Variants in FRAS1 observed in about 807,000 individuals in gnomAD.
The protein encoded by FRAS1 is extracellular matrix organizing protein FRAS1.
A neutral mutation model predicts 435.2 loss-of-function variants in FRAS1; 290 were observed. The observed-to-expected ratio is 0.67, with a 90% CI of 0.61 to 0.73. The LOEUF is 0.73. Ranked by LOEUF, FRAS1 falls within the 30% of genes least tolerant of loss-of-function variation. The pLI is 0.00. For missense variants in FRAS1, 4,860 were observed against 5,001.5 expected, an observed-to-expected ratio of 0.97 and a Z score of 0.85; for synonymous variants, 1,800 against 1,851.0, an observed-to-expected ratio of 0.97 and a Z score of 0.71.
chr4:78,171,746 G>A (rs7683292), intron 2 of FRAS1, among the ~76,000 whole-genome samples: 1 of 152,092 alleles, frequency 6.6e-6, no homozygotes, highest in East Asian at 1.9e-4. Flanking sequence ...TGCTGGCTGT[G>A]CTCTCCAGCA....
At chr4:78,488,152 C>T (rs1273415276) in intron 58 of FRAS1, among the ~76,000 whole-genome samples, 2 of 152,200 alleles carry the variant, frequency 1.3e-5, no homozygotes, top group Admixed American at 1.3e-4. Flanking sequence ...GAAGAGTCAT[C>T]TATAGCAGTG....
chr4:78,504,459 T>C (rs1180745163), intron 61 of FRAS1, among the ~76,000 whole-genome samples: 1 of 152,248 alleles, frequency 6.6e-6, no homozygotes, highest in Non-Finnish European at 1.5e-5. Context: ...AATTGATCCC[T>C]TTACCATTAT....
chr4:78,529,803 G>T (rs924560306), intron 70 of FRAS1, among the ~76,000 whole-genome samples: 3 of 152,146 alleles, frequency 2.0e-5, no homozygotes, highest in Non-Finnish European at 2.9e-5. Flanking sequence ...GAGCAGAAAG[G>T]CACAAGATTT....
chr4:78,526,554 G>A lies in FRAS1; in HGVS notation c.10822G>A (p.Gly3608Arg). The change falls in exon 70 of 74, where the codon GGA (glycine) becomes AGA (arginine). Residue 3608 changes from glycine to arginine, a missense_variant. By Grantham distance (125) the Gly-to-Arg change is moderately radical. Coordinates refer to ENST00000512123, the MANE Select transcript of FRAS1 (RefSeq NM_025074.7). ...TSSYNRKDYS[G>R]EYTIYLIPCT... ...GCATGTTTCCAGGAAGGACTACTCA[G>A]GAGAGTACACCATCTACCTGATCCC... 1 of 1,594,656 alleles carries A rather than the reference G, an allele frequency of 6.3e-7. No individual in the cohort carries two copies. Among genetic ancestry groups the A allele is most frequent in the Non-Finnish European group, 8.5e-7 (1 of 1,170,328 alleles).
intron 27 of FRAS1, among the ~76,000 whole-genome samples, chr4:78,382,682 A>G (rs559128541): frequency 4.3e-4 from 66 of 152,350 alleles, no homozygotes; most frequent in African/African-American, 1.5e-3. Flanking sequence ...ATTCAATAAA[A>G]TCCTCCATTT....
intron 58 of FRAS1, among the ~76,000 whole-genome samples, chr4:78,485,581 G>T (rs142300028): frequency 9.2e-5 from 14 of 152,136 alleles, no homozygotes; most frequent in African/African-American, 3.1e-4. Context: ...ACTTCTTCTG[G>T]TTATCTTTCT....
chr4:78,464,149 G>A lies in FRAS1; in HGVS notation c.6888+4G>A. The A allele has an allele frequency of 6.2e-7, 1 of 1,605,370 alleles. No individual in the cohort carries two copies. The highest frequency in any genetic ancestry group is 1.1e-5 in the South Asian group (1 of 89,406). On this transcript the variant is annotated splice_donor_region_variant and intron_variant, in intron 48 of 73. Coordinates refer to ENST00000512123, the MANE Select transcript of FRAS1 (RefSeq NM_025074.7). ...ACTGTCTGATGGAGTCAGTGAGGTA[G>A]GTGAGGCACTGAACTCCATCCTTGA...
At chr4:78,241,274 C>T (rs1217605862) in intron 3 of FRAS1, among the ~76,000 whole-genome samples, 1 of 152,158 alleles carries the variant, frequency 6.6e-6, no homozygotes, top group Non-Finnish European at 1.5e-5. Flanking sequence ...CCTATTCATA[C>T]CCCTTGACTA....
chr4:78,370,046 T>G lies in FRAS1; in HGVS notation c.2869+62T>G, dbSNP rs897896691. 17 of 1,509,470 alleles carry G rather than the reference T, an allele frequency of 1.1e-5. No individual in the cohort carries two copies. The African/African-American group carries it at 2.2e-4, about 20-fold the overall frequency. The allele number at this position is 1,509,470 out of a possible 1,614,324, so 93.5% of individuals were successfully genotyped here. On this transcript the variant is annotated intron_variant, in intron 23 of 73. Coordinates refer to ENST00000512123, the MANE Select transcript of FRAS1 (RefSeq NM_025074.7). ...CACAGTGATACCACTTTACTACTGA[T>G]GTCTAGTTTTCCATATTGGGAAAAC...
At chr4:78,490,763 C>A (rs1365278167) in intron 59 of FRAS1, among the ~76,000 whole-genome samples, 1 of 151,886 alleles carries the variant, frequency 6.6e-6, no homozygotes, top group East Asian at 1.9e-4. Flanking sequence ...CAAGAGCAAA[C>A]AAATTCAAAA....
chr4:78,324,457 AACAC>A (rs368625235), intron 18 of FRAS1, among the ~76,000 whole-genome samples: 1 of 151,906 alleles, frequency 6.6e-6, no homozygotes, highest in Admixed American at 6.6e-5. Flanking sequence ...TTGTTTATAT[AACAC>A]ACACACACGA....
At chr4:78,112,519 A>G (rs1277740630) in intron 2 of FRAS1, among the ~76,000 whole-genome samples, 1 of 152,140 alleles carries the variant, frequency 6.6e-6, no homozygotes, top group Non-Finnish European at 1.5e-5. Flanking sequence ...TTAACGTGCA[A>G]CACAAACTAT....
chr4:78,097,542 T>C (rs2109911779), intron 2 of FRAS1, among the ~76,000 whole-genome samples: 1 of 152,320 alleles, frequency 6.6e-6, no homozygotes, highest in South Asian at 2.1e-4. Flanking sequence ...CTCACAATCA[T>C]GGTGGAAGGC....
intron 4 of FRAS1, 145 bp from the exon 5 acceptor site, chr4:78,252,247 C>T: frequency 5.6e-6 from 4 of 715,208 alleles, no homozygotes; most frequent in Non-Finnish European, 6.5e-6. Flanking sequence ...ATTCCACTCT[C>T]AACCTTGCAA....
At position 78,317,497 on chromosome 4, in the gene FRAS1, G is replaced by T. The variant is rs566551767; in HGVS notation, c.1949G>T (p.Gly650Val). 6.2e-7 allele frequency: 1 copy of T among 1,612,916 alleles called. No homozygotes were observed. Among genetic ancestry groups the T allele is most frequent in the Admixed American group, 1.7e-5 (1 of 59,922 alleles). The change falls in exon 17 of 74, where the codon GGA (glycine) becomes GTA (valine). Residue 650 changes from glycine to valine, a missense_variant. Gly to Val is a moderately radical substitution (Grantham distance 109, BLOSUM62 -3). Coordinates refer to ENST00000512123, the MANE Select transcript of FRAS1 (RefSeq NM_025074.7). ...GGAGAGGGTTTCTACTCTGACCATGGAGTCTGCAAAGGTATCGTTGGTGTC... is the reference window on the plus strand; with the variant it reads ...GGAGAGGGTTTCTACTCTGACCATGTAGTCTGCAAAGGTATCGTTGGTGTC... The part of the protein sequence containing the change: ...RCGEGFYSDH[G>V]VCKACHSSCL...
chr4:78,181,418 AG>A, intron 2 of FRAS1: 1 of 1,612,040 alleles, frequency 6.2e-7, no homozygotes, highest in Non-Finnish European at 8.5e-7. Context: ...CTCGTGCTTC[AG>A]GCCACTGTAA....
rs1443448328 is a variant in FRAS1, at chr4:78,348,040, G to A, written c.2422+10223G>A. On this transcript the variant is annotated intron_variant, in intron 20 of 73. Transcript: ENST00000512123. ...CCGGTCTACAGCTCCCAGCGTGAGC[G>A]ACGCAGAAGACGGGTGATTTCTGCA... 4.1e-5 allele frequency among the ~76,000 whole-genome samples: 2 copies of A among 49,106 alleles called. 1 individual carries two copies. The highest frequency in any genetic ancestry group is 6.5e-4 in the East Asian group (2 of 3,062). The allele number at this position is 49,106 out of a possible 152,430, so 32.2% of individuals were successfully genotyped here.
intron 51 of FRAS1, among the ~76,000 whole-genome samples, chr4:78,470,606 A>C (rs1375533541): frequency 6.6e-6 from 1 of 152,272 alleles, no homozygotes; most frequent in Non-Finnish European, 1.5e-5. Flanking sequence ...ACAAATTTTA[A>C]AAATATAGTA....
At chr4:78,513,215 A>T (rs1721094749) in intron 64 of FRAS1, among the ~76,000 whole-genome samples, 177 bp from the exon 65 acceptor site, 1 of 152,202 alleles carries the variant, frequency 6.6e-6, no homozygotes, top group African/African-American at 2.4e-5. Context: ...GGAAGCAATG[A>T]TACTATGTGT....
Sources: allele counts gnomAD v4.1 joint callset (sites outside exome capture counted in the v4.1 genomes callset), GRCh38; gene constraint gnomAD v4.1.1; transcripts MANE v1.5; gene names NCBI Gene and HGNC (gene_info 2026-07-23, HGNC 2026-07-21).